The following PCDHGB6 variants were observed in gnomAD, a reference collection of about 807,000 sequenced individuals.
The protein encoded by PCDHGB6 is protocadherin gamma-B6.
Under a neutral mutation model 59.1 loss-of-function variants are expected in PCDHGB6, and 51 were observed. That is an observed-to-expected ratio of 0.86 (90% CI 0.69 to 1.09). The LOEUF (loss-of-function observed/expected upper bound fraction) is 1.09. PCDHGB6 is among the 50% of genes least tolerant of loss of function. The pLI is 0.00. For synonymous variants in PCDHGB6, 466 were observed against 495.1 expected, an observed-to-expected ratio of 0.94 and a Z score of 0.78; for missense variants, 1,148 against 1,205.1, an observed-to-expected ratio of 0.95 and a Z score of 0.70.
Position 141,409,054 on chromosome 5 carries a change from T to C in PCDHGB6, c.852T>C (p.Thr284=), listed in dbSNP as rs1314214077. ...NAEINYYFRS[T]AQSTKHMFSL... ...AGATAAACTACTACTTCCGAAGCACTGCCCAGAGCACAAAACATATGTTCT... is the reference window on the plus strand; with the variant it reads ...AGATAAACTACTACTTCCGAAGCACCGCCCAGAGCACAAAACATATGTTCT... Residue 284 remains threonine, a synonymous_variant, in exon 1 of 4, where the codon ACT becomes ACC. Coordinates refer to ENST00000520790, the MANE Select transcript of PCDHGB6 (RefSeq NM_018926.3). 1.2e-6 allele frequency: 2 copies of C among 1,613,910 alleles called. No individual in the cohort carries two copies. The highest frequency in any genetic ancestry group is 1.7e-6 in the Non-Finnish European group (2 of 1,179,908).
rs2099883795 is a variant in PCDHGB6 at position 141,511,444 on chromosome 5, A to C, written c.*271A>C. 3.0e-6 allele frequency: 2 copies of C among 665,362 alleles called. No individual in the cohort carries two copies. The highest frequency in any genetic ancestry group is 3.6e-5 in the African/African-American group (2 of 54,978). 41.2% of individuals were successfully genotyped at this position (665,362 alleles called of 1,614,324 possible). On this transcript the variant is annotated 3_prime_UTR_variant, in exon 4 of 4. Coordinates refer to ENST00000520790, the MANE Select transcript of PCDHGB6 (RefSeq NM_018926.3). ...GGGTAGTGGGGTTACTGTAGACACC[A>C]AGAACCATTTGCCACACCCCGTTTA...
In PCDHGB6 at chr5:141,419,975, G is replaced by A. The variant is rs372316838; in HGVS notation, c.2418+9355G>A. ...CTTGATTTCTGTGCTCTTTCTCCTC[G>A]CGGTGATTCTAGCTATTGCTCTACG... On this transcript the variant is annotated intron_variant, in intron 1 of 3. Coordinates refer to ENST00000520790, the MANE Select transcript of PCDHGB6 (RefSeq NM_018926.3). 273 of 1,613,928 alleles carry A rather than the reference G, an allele frequency of 1.7e-4. No homozygotes were observed. The highest frequency in any genetic ancestry group is 2.2e-4 in the Non-Finnish European group (261 of 1,179,916).
chr5:141,426,307 A>G (rs958090236), intron 1 of PCDHGB6: 2 of 172,782 alleles, frequency 1.2e-5, no homozygotes, highest in African/African-American at 4.7e-5. Context: ...GGTGAAGCAG[A>G]GAAGCAGGAC....
intron 1 of PCDHGB6, chr5:141,415,390 G>A (rs1191160575): frequency 1.2e-6 from 2 of 1,614,224 alleles, no homozygotes; most frequent in South Asian, 2.2e-5. Flanking sequence ...CTTGACAGGT[G>A]TGTCCGGCTC....
Position 141,410,508 on chromosome 5 carries a change from G to C in PCDHGB6, c.2306G>C (p.Cys769Ser). ...TGTKEFNFLKCSVPLHSNEDM... is the reference protein window; with the variant it reads ...TGTKEFNFLKSSVPLHSNEDM... Reference sequence around the variant, plus strand: ...ACAAAAGAGTTTAATTTCCTAAAATGCAGTGTGCCCCTACATTCCAATGAA... The same window carrying C: ...ACAAAAGAGTTTAATTTCCTAAAATCCAGTGTGCCCCTACATTCCAATGAA... The change falls in exon 1 of 4, where the codon TGC becomes TCC. Residue 769 changes from cysteine (C) to serine (S), a missense_variant. This residue lies in a region of PCDHGB6 where 283 missense variants were observed against 318.6 expected (regional missense o/e 0.89). Transcript: ENST00000520790. 2 of 1,613,968 alleles carry C rather than the reference G, an allele frequency of 1.2e-6. No individual in the cohort carries two copies. The highest frequency in any genetic ancestry group is 8.5e-7 in the Non-Finnish European group (1 of 1,179,898).
At chr5:141,419,302 C>T in intron 1 of PCDHGB6, 1 of 1,614,024 alleles carries the variant, frequency 6.2e-7, no homozygotes, top group East Asian at 2.2e-5. Context: ...ACCCAGACTT[C>T]GGGCTCAACG....
rs61612330 is a variant in PCDHGB6, at chr5:141,454,796, A to ATTTTTTTTTTTTTTTTTTTTTTT, written c.2419-40004_2419-39982dup. Among the ~76,000 whole-genome samples, 6 of 77,456 alleles carry ATTTTTTTTTTTTTTTTTTTTTTT rather than the reference A, an allele frequency of 7.7e-5. 1 individual carries two copies. The highest frequency in any genetic ancestry group is 8.0e-4 in the East Asian group (2 of 2,512). 50.8% of individuals were successfully genotyped at this position (77,456 alleles called of 152,430 possible). Reference sequence around the variant, plus strand: ...AAGGAAATAATCCTCCATGGTTCTAATTTTTTTTTTTTTTTTTTTTTTTTT... The same window carrying ATTTTTTTTTTTTTTTTTTTTTTT: ...AAGGAAATAATCCTCCATGGTTCTAATTTTTTTTTTTTTTTTTTTTTTTTTTTTTTTTTTTTTTTTTTTTTTTT... On this transcript the variant is annotated intron_variant, in intron 1 of 3. Transcript: ENST00000520790.
chr5:141,509,199 GTCTC>G (rs1017134758), intron 3 of PCDHGB6, among the ~76,000 whole-genome samples: 4 of 152,070 alleles, frequency 2.6e-5, no homozygotes, highest in Admixed American at 2.0e-4. Context: ...AATATTTCCT[GTCTC>G]TCTATTTCTC....
rs200411745 is a variant in PCDHGB6, at chr5:141,490,281, C to T, written c.2419-4526C>T. The T allele has an allele frequency of 1.2e-6, 2 of 1,614,070 alleles. No homozygotes were observed. The highest frequency in any genetic ancestry group is 1.3e-5 in the African/African-American group (1 of 74,924). On this transcript the variant is annotated intron_variant, in intron 1 of 3. Transcript: ENST00000520790. This position sits in a 1 kb window ranked among gnomAD's most constrained non-coding sequence, Gnocchi z 5.4. The stretch of plus-strand genomic sequence containing the variant: ...ATGTGGGGGATGTCAATGACAATGC[C>T]CCAGAGGTGCTATTGGCCTCTTTGG...
In PCDHGB6 at chr5:141,495,640, G is replaced by A. The variant is rs149177775; in HGVS notation, c.2477+775G>A. 1.2e-3 allele frequency among the ~76,000 whole-genome samples: 177 copies of A among 152,150 alleles called. 1 individual carries two copies. The highest frequency in any genetic ancestry group is 4.1e-3 in the African/African-American group (171 of 41,498). ...ACCTCAGCCTCAGTCCCTTTCATTT[G>A]TCTACTTGCATTGATCTGTGCCGCC... On this transcript the variant is annotated intron_variant, in intron 2 of 3. Transcript: ENST00000520790.
chr5:141,488,634 G>A (rs937680420), intron 1 of PCDHGB6, among the ~76,000 whole-genome samples: 4 of 152,150 alleles, frequency 2.6e-5, no homozygotes, highest in Non-Finnish European at 4.4e-5. Context: ...CACCTTAGCA[G>A]CATTCAGCAG....
At chr5:141,427,770 C>T (rs775095791) in intron 1 of PCDHGB6, 2 of 1,399,194 alleles carry the variant, frequency 1.4e-6, no homozygotes, top group Non-Finnish European at 2.0e-6. Context: ...TGACTTGGAG[C>T]TGCGGGCACT....
At chr5:141,410,676 T>G in intron 1 of PCDHGB6, 56 bp downstream of exon 1, 1 of 1,550,692 alleles carries the variant, frequency 6.4e-7, no homozygotes, top group African/African-American at 1.4e-5. Flanking sequence ...TTTCTCATAT[T>G]TTAGGCATAC....
At position 141,490,406 on chromosome 5, in the gene PCDHGB6, T is replaced by G; in HGVS notation, c.2419-4401T>G. On this transcript the variant is annotated intron_variant, in intron 1 of 3. Transcript: ENST00000520790. This position sits in a 1 kb window ranked among gnomAD's most constrained non-coding sequence, Gnocchi z 5.4. ...AGAAATGGTGAAGTGAGCCTTGATA[T>G]CTCTCCGGACCTGCCATTTCAGATT... is the stretch of plus-strand genomic sequence containing the variant. The G allele has an allele frequency of 1.9e-6, 3 of 1,614,112 alleles. No individual in the cohort carries two copies. Among genetic ancestry groups the G allele is most frequent in the Non-Finnish European group, 2.5e-6 (3 of 1,180,020 alleles).
chr5:141,423,513 G>A, intron 1 of PCDHGB6: 2 of 1,613,750 alleles, frequency 1.2e-6, no homozygotes. Context: ...CTCTCATTGC[G>A]GACTCGCAGA....
chr5:141,422,898 C>T (rs2096684110), intron 1 of PCDHGB6: 2 of 1,614,250 alleles, frequency 1.2e-6, no homozygotes, highest in Middle Eastern at 1.6e-4. Flanking sequence ...TGGACCAGAA[C>T]GACAATGCGC....
intron 1 of PCDHGB6, among the ~76,000 whole-genome samples, chr5:141,442,700 TA>T (rs2098337605): frequency 6.6e-6 from 1 of 152,198 alleles, no homozygotes; most frequent in Non-Finnish European, 1.5e-5. Flanking sequence ...CAGACAAGAG[TA>T]TCAGACATGC....
intron 1 of PCDHGB6, among the ~76,000 whole-genome samples, chr5:141,451,579 A>T (rs1222576609): frequency 6.6e-6 from 1 of 152,084 alleles, no homozygotes; most frequent in African/African-American, 2.4e-5. Flanking sequence ...TTATAAACCT[A>T]ATTTTGAAAG....
In PCDHGB6 at chr5:141,491,835, G is replaced by C; in HGVS notation, c.2419-2972G>C. On this transcript the variant is annotated intron_variant, in intron 1 of 3. Coordinates refer to ENST00000520790, the MANE Select transcript of PCDHGB6 (RefSeq NM_018926.3). The surrounding 1 kb of genome is among the most constrained non-coding windows in gnomAD (Gnocchi z 6.9). The stretch of plus-strand genomic sequence containing the variant: ...GCTGGCTGCGCTCCACCCGATTCTC[G>C]GGATCATTGGACCGTTTGCGCGAAA... 1 of 1,473,258 alleles carries C rather than the reference G, an allele frequency of 6.8e-7. No individual in the cohort carries two copies. The highest frequency in any genetic ancestry group is 9.0e-7 in the Non-Finnish European group (1 of 1,112,098). The allele number at this position is 1,473,258 out of a possible 1,614,324, so 91.3% of individuals were successfully genotyped here.
Sources: allele counts gnomAD v4.1 joint callset (sites outside exome capture counted in the v4.1 genomes callset), GRCh38; gene constraint gnomAD v4.1.1; regional missense constraint gnomAD v4.1.1; non-coding constraint Gnocchi (gnomAD v3.1); transcripts MANE v1.5; gene names NCBI Gene and HGNC (gene_info 2026-07-23, HGNC 2026-07-21).